Variants in SSBP2 observed in about 807,000 individuals in gnomAD.
The protein encoded by SSBP2 is single-stranded DNA-binding protein 2.
SSBP2 carries 17 observed loss-of-function variants against 61.8 expected under a neutral mutation model. The observed-to-expected ratio is 0.28, with a 90% CI of 0.19 to 0.41. The LOEUF is 0.41. SSBP2 is among the 10% of genes least tolerant of loss of function. The probability of loss-of-function intolerance (pLI) is 1.00; values close to 1 mark genes in which losing one functional copy is unlikely to be tolerated. For missense variants in SSBP2, 310 were observed against 458.7 expected, an observed-to-expected ratio of 0.68 and a Z score of 2.96; for synonymous variants, 139 against 141.3, an observed-to-expected ratio of 0.98 and a Z score of 0.12.
chr5:81,424,753 A>C (rs1761847328), intron 16 of SSBP2, among the ~76,000 whole-genome samples: 1 of 152,244 alleles, frequency 6.6e-6, no homozygotes. Flanking sequence ...TCTTCAAAGT[A>C]GTAGAGAAGT....
intron 1 of SSBP2, among the ~76,000 whole-genome samples, chr5:81,658,771 A>G (rs1350205657): frequency 6.6e-6 from 1 of 152,180 alleles, no homozygotes; most frequent in African/African-American, 2.4e-5. Context: ...AATCCTCAAT[A>G]AAACACTGGC....
intron 6 of SSBP2, among the ~76,000 whole-genome samples, chr5:81,477,101 ACTT>A (rs775290742): frequency 4.3e-4 from 65 of 152,062 alleles, no homozygotes; most frequent in Middle Eastern, 3.4e-3. Context: ...CTCACCTCAT[ACTT>A]CTTCTGACCT....
intron 10 of SSBP2, among the ~76,000 whole-genome samples, chr5:81,458,571 C>G (rs548651429): frequency 9.1e-4 from 139 of 152,192 alleles, no homozygotes; most frequent in African/African-American, 3.3e-3. Context: ...AAATAGTAAA[C>G]AAAACATATT....
At chr5:81,615,275 T>C in intron 4 of SSBP2, 198 bp downstream of exon 4, 1 of 569,282 alleles carries the variant, frequency 1.8e-6, no homozygotes, top group Non-Finnish European at 3.1e-6. Flanking sequence ...GCCTACGCTT[T>C]ATCCTAAGCT....
intron 3 of SSBP2, among the ~76,000 whole-genome samples, chr5:81,626,424 A>T (rs1747150024): frequency 6.6e-6 from 1 of 152,236 alleles, no homozygotes; most frequent in South Asian, 2.1e-4. Flanking sequence ...AATTTGCCTA[A>T]AGTCACACAG....
chr5:81,505,665 AC>A (rs1286502159), intron 5 of SSBP2, among the ~76,000 whole-genome samples: 1 of 152,230 alleles, frequency 6.6e-6, no homozygotes, highest in Non-Finnish European at 1.5e-5. Flanking sequence ...CAAAAGAAAA[AC>A]TATAATTTCA....
At chr5:81,612,676 T>C (rs545178307) in intron 4 of SSBP2, among the ~76,000 whole-genome samples, 2 of 152,240 alleles carry the variant, frequency 1.3e-5, no homozygotes, top group East Asian at 1.9e-4. Context: ...CATTTATACA[T>C]GCAAGTGAAC....
At chr5:81,562,244 A>G (rs977081477) in intron 4 of SSBP2, among the ~76,000 whole-genome samples, 6 of 152,318 alleles carry the variant, frequency 3.9e-5, no homozygotes, top group Admixed American at 3.9e-4. Context: ...ATGACTAAGC[A>G]GTGTAAAAAG....
At chr5:81,552,412 G>A (rs937200945) in intron 4 of SSBP2, among the ~76,000 whole-genome samples, 2 of 152,114 alleles carry the variant, frequency 1.3e-5, no homozygotes, top group African/African-American at 4.8e-5. Flanking sequence ...GCCCAGGTGG[G>A]TGGATCACTT....
intron 10 of SSBP2, among the ~76,000 whole-genome samples, chr5:81,449,936 T>A (rs1763658328): frequency 6.6e-6 from 1 of 152,210 alleles, no homozygotes; most frequent in Non-Finnish European, 1.5e-5. Context: ...GAGATTTTTT[T>A]ATGGCAGCAA....
chr5:81,690,664 G>A (rs1309021545), intron 1 of SSBP2, among the ~76,000 whole-genome samples: 1 of 152,098 alleles, frequency 6.6e-6, no homozygotes, highest in East Asian at 1.9e-4. Flanking sequence ...GCATTTGACA[G>A]ATCGTTCAGA....
In SSBP2 at chr5:81,597,055, CTG is replaced by C; in HGVS notation, c.282+18416_282+18417del. Among the ~76,000 whole-genome samples, 4 of 152,108 alleles carry C rather than the reference CTG, an allele frequency of 2.6e-5. No individual in the cohort carries two copies. In the South Asian group the frequency reaches 8.3e-4, roughly 32 times the overall value. ...ACTACCATCAGAGTGTACAGGCAAC[CTG>C]TTGGGAGAAAATTCAGGCAACCTGA... On this transcript the variant is annotated intron_variant, in intron 4 of 16. Transcript: ENST00000320672.
At chr5:81,567,334 G>A (rs925389224) in intron 4 of SSBP2, among the ~76,000 whole-genome samples, 11 of 152,186 alleles carry the variant, frequency 7.2e-5, no homozygotes, top group Admixed American at 2.6e-4. Context: ...CTAATGTAGA[G>A]CTCAGGCCAT....
intron 4 of SSBP2, among the ~76,000 whole-genome samples, chr5:81,587,946 G>A (rs1468301139): frequency 6.6e-6 from 1 of 152,114 alleles, no homozygotes; most frequent in Non-Finnish European, 1.5e-5. Context: ...AAACATCTTG[G>A]TCGTTAAAGC....
intron 10 of SSBP2, among the ~76,000 whole-genome samples, chr5:81,458,680 T>C (rs1044533858): frequency 2.0e-5 from 3 of 152,186 alleles, no homozygotes; most frequent in African/African-American, 7.2e-5. Flanking sequence ...GTTTTAATAT[T>C]AAATATGGGC....
At chr5:81,749,226 A>G (rs1469330259) in intron 1 of SSBP2, among the ~76,000 whole-genome samples, 1 of 152,204 alleles carries the variant, frequency 6.6e-6, no homozygotes, top group Non-Finnish European at 1.5e-5. Context: ...TCTTTTATAT[A>G]CTACTTGTCA....
At chr5:81,504,933 C>T (rs1441409875) in intron 5 of SSBP2, among the ~76,000 whole-genome samples, 1 of 152,208 alleles carries the variant, frequency 6.6e-6, no homozygotes. Flanking sequence ...ATAACTAAAA[C>T]TAAAGGATTT....
chr5:81,697,440 A>G (rs1396872687), intron 1 of SSBP2, among the ~76,000 whole-genome samples: 1 of 152,214 alleles, frequency 6.6e-6, no homozygotes, highest in Non-Finnish European at 1.5e-5. Context: ...GCAATAGTCT[A>G]TGATTGCTTG....
At chr5:81,420,644 G>A in intron 16 of SSBP2, 111 bp from the exon 17 acceptor site, 1 of 877,344 alleles carries the variant, frequency 1.1e-6, no homozygotes, top group Non-Finnish European at 1.8e-6. Context: ...TCTTTTATGT[G>A]CAAGCTTTTC....
Sources: gnomAD v4.1 joint callset for allele counts (sites outside exome capture counted in the v4.1 genomes callset) on GRCh38, gnomAD v4.1.1 for gene constraint, MANE v1.5 for transcripts, NCBI Gene and HGNC (gene_info 2026-07-23, HGNC 2026-07-21) for gene names.